Variants in GALNT13 observed in about 807,000 individuals in gnomAD.
GALNT13 encodes the protein polypeptide N-acetylgalactosaminyltransferase 13, also known as UDP-GalNAc:polypeptide N-acetylgalactosaminyltransferase 13.
In GALNT13, 28 loss-of-function variants were observed where a neutral mutation model predicts 64.2. That is an observed-to-expected ratio of 0.44 (90% CI 0.32 to 0.60). The LOEUF is 0.60. Among genes scored for constraint, GALNT13 ranks in the 20% least tolerant of loss-of-function variants. The pLI is 0.05. For missense variants in GALNT13, 577 were observed against 669.8 expected (o/e 0.86, Z 1.53); for synonymous variants, 214 against 224.6 (o/e 0.95, Z 0.42).
intron 3 of GALNT13, among the ~76,000 whole-genome samples, chr2:153,971,400 G>C (rs1344688858): frequency 6.6e-6 from 1 of 151,946 alleles, no homozygotes; most frequent in African/African-American, 2.4e-5. Context: ...AATCCTGTAA[G>C]TCTATTTTAC....
At chr2:153,604,571 C>G in the GALNT13 span, among the ~76,000 whole-genome samples, 1 of 151,966 alleles carries the variant, frequency 6.6e-6, no homozygotes, top group Non-Finnish European at 1.5e-5. Context: ...TCTAGATAAA[C>G]CTGCTGGAAA....
intron 3 of GALNT13, among the ~76,000 whole-genome samples, chr2:153,952,358 A>G (rs1692255157): frequency 6.6e-6 from 1 of 152,184 alleles, no homozygotes; most frequent in Non-Finnish European, 1.5e-5. Flanking sequence ...AATATGTAAT[A>G]TGAAATGAAT....
chr2:153,414,220 C>A, the GALNT13 span, among the ~76,000 whole-genome samples: 1 of 151,754 alleles, frequency 6.6e-6, no homozygotes, highest in African/African-American at 2.4e-5. Flanking sequence ...CTAAAAAATA[C>A]AAAAACTAGC....
intron 1 of GALNT13, among the ~76,000 whole-genome samples, chr2:153,899,933 ATAT>A (rs1164587747): frequency 7.1e-3 from 610 of 86,346 alleles, no homozygotes; most frequent in African/African-American, 0.022. Context: ...ATATATATAT[ATAT>A]TTTTTTTTTT....
chr2:153,563,574 T>G, the GALNT13 span, among the ~76,000 whole-genome samples: 17 of 152,262 alleles, frequency 1.1e-4, no homozygotes, highest in African/African-American at 4.1e-4. Flanking sequence ...GAGAGCTTCC[T>G]GTTTTGTTGT....
At chr2:153,296,056 G>A in the GALNT13 span, among the ~76,000 whole-genome samples, 2 of 152,184 alleles carry the variant, frequency 1.3e-5, no homozygotes, top group South Asian at 4.1e-4. Flanking sequence ...ATGCTGCTCC[G>A]CTCTCCAGAC....
At chr2:153,330,492 A>C in the GALNT13 span, among the ~76,000 whole-genome samples, 1 of 152,166 alleles carries the variant, frequency 6.6e-6, no homozygotes, top group African/African-American at 2.4e-5. Context: ...CTCCTAGGTT[A>C]GATGTATTCC....
chr2:153,796,479 C>T, the GALNT13 span, among the ~76,000 whole-genome samples: 4 of 152,138 alleles, frequency 2.6e-5, no homozygotes, highest in Non-Finnish European at 5.9e-5. Context: ...GTTGGAATAA[C>T]TAATTTGAAG....
At chr2:153,248,602 A>T in the GALNT13 span, among the ~76,000 whole-genome samples, 3 of 151,968 alleles carry the variant, frequency 2.0e-5, no homozygotes. Context: ...TCACGAGGTC[A>T]GGAGATGGCG....
chr2:153,644,194 T>A, the GALNT13 span, among the ~76,000 whole-genome samples: 5 of 152,074 alleles, frequency 3.3e-5, no homozygotes, highest in Non-Finnish European at 7.4e-5. Flanking sequence ...AAATGCTGGC[T>A]ATAAGAACAA....
chr2:153,831,694 G>A, the GALNT13 span, among the ~76,000 whole-genome samples: 1 of 152,090 alleles, frequency 6.6e-6, no homozygotes, highest in South Asian at 2.1e-4. Context: ...AACTGCGTCC[G>A]TTGGTGCTAT....
chr2:153,807,310 T>C, the GALNT13 span, among the ~76,000 whole-genome samples: 6 of 152,048 alleles, frequency 3.9e-5, 1 homozygote, highest in South Asian at 1.2e-3. Flanking sequence ...TTTTATGTAT[T>C]TTTTATAGAA....
At chr2:153,230,266 A>G in the GALNT13 span, among the ~76,000 whole-genome samples, 5 of 152,344 alleles carry the variant, frequency 3.3e-5, no homozygotes, top group Admixed American at 6.5e-5. Flanking sequence ...TAATTTTCTT[A>G]TAGAGCGACA....
chr2:154,265,099 A>C, intron 8 of GALNT13, among the ~76,000 whole-genome samples: 1 of 152,032 alleles, frequency 6.6e-6, no homozygotes, highest in South Asian at 2.1e-4. Flanking sequence ...AATTTTGGAA[A>C]TCAGAAAGGT....
At chr2:153,963,725 CTCTCTCTGTG>C (rs1357498659) in intron 3 of GALNT13, among the ~76,000 whole-genome samples, 3 of 94,924 alleles carry the variant, frequency 3.2e-5, no homozygotes, top group Non-Finnish European at 6.3e-5. Flanking sequence ...CTCTCTCTCT[CTCTCTCTGTG>C]TGTGTGTGTG....
chr2:153,095,787 A>G, the GALNT13 span, among the ~76,000 whole-genome samples: 1 of 152,154 alleles, frequency 6.6e-6, no homozygotes, highest in Non-Finnish European at 1.5e-5. Flanking sequence ...TATCACAAGG[A>G]CAGAAAACCA....
intron 3 of GALNT13, among the ~76,000 whole-genome samples, chr2:154,047,624 C>G (rs1341783027): frequency 1.3e-5 from 2 of 152,134 alleles, no homozygotes; most frequent in African/African-American, 4.8e-5. Context: ...TACAACAGCA[C>G]CTGGTTCATC....
chr2:153,679,442 C>T, the GALNT13 span, among the ~76,000 whole-genome samples: 5 of 151,964 alleles, frequency 3.3e-5, no homozygotes, highest in African/African-American at 9.6e-5. Flanking sequence ...ATGTCTTTGC[C>T]TGAGTTTCTT....
chr2:154,072,766 A>T (rs1306643079), intron 3 of GALNT13, among the ~76,000 whole-genome samples: 1 of 152,078 alleles, frequency 6.6e-6, no homozygotes, highest in Non-Finnish European at 1.5e-5. Flanking sequence ...TGATACTGTG[A>T]TCTGCTACCA....
Sources: gnomAD v4.1 joint callset for allele counts (sites outside exome capture counted in the v4.1 genomes callset) on GRCh38, gnomAD v4.1.1 for gene constraint, MANE v1.5 for transcripts, NCBI Gene and HGNC (gene_info 2026-07-23, HGNC 2026-07-21) for gene names.